Variants in DCUN1D4 observed in about 807,000 individuals in gnomAD.
The protein encoded by DCUN1D4 is defective in cullin neddylation 1 domain containing 4, also known as DCN1-like protein 4.
In DCUN1D4, 22 loss-of-function variants were observed where a neutral mutation model predicts 47.9. The ratio of observed to expected loss-of-function variants is 0.46; its 90% CI spans 0.33 to 0.66. The LOEUF (loss-of-function observed/expected upper bound fraction) is 0.66, where lower values mean the gene tolerates loss of function less well. Among genes scored for constraint, DCUN1D4 ranks in the 30% least tolerant of loss-of-function variants. The pLI, the probability that DCUN1D4 is intolerant of heterozygous loss-of-function variation, is 0.02. For missense variants in DCUN1D4, 301 were observed against 340.8 expected, an observed-to-expected ratio of 0.88 and a Z score of 0.92; for synonymous variants, 121 against 112.2, an observed-to-expected ratio of 1.08 and a Z score of -0.50.
intron 8 of DCUN1D4, chr4:51,910,787 C>A: frequency 2.4e-6 from 1 of 417,846 alleles, no homozygotes; most frequent in South Asian, 4.1e-5. Flanking sequence ...CATGAAAAGC[C>A]TGTAGAAACT....
intron 3 of DCUN1D4, among the ~76,000 whole-genome samples, chr4:51,872,093 C>G (rs114672563): frequency 6.6e-6 from 1 of 152,112 alleles, no homozygotes; most frequent in African/African-American, 2.4e-5. Context: ...GGTTTTGTGC[C>G]GAAGGAGCAG....
intron 8 of DCUN1D4, among the ~76,000 whole-genome samples, chr4:51,909,976 C>T (rs758533391): frequency 5.9e-5 from 9 of 152,164 alleles, no homozygotes; most frequent in African/African-American, 1.9e-4. Flanking sequence ...CACTGTTAAG[C>T]GTCCTTGCAG....
At chr4:51,901,605 C>T (rs1017967884) in intron 8 of DCUN1D4, among the ~76,000 whole-genome samples, 34 of 152,230 alleles carry the variant, frequency 2.2e-4, no homozygotes, top group African/African-American at 8.0e-4. Context: ...GAGCCATGTG[C>T]TTCTGCTTCG....
chr4:51,886,950 A>G (rs1729581465), intron 6 of DCUN1D4: 1 of 427,026 alleles, frequency 2.3e-6, no homozygotes, highest in Non-Finnish European at 4.4e-6. Flanking sequence ...GCCACATTGT[A>G]CGCTGTGTAC....
chr4:51,844,808 C>T (rs1235254551), intron 1 of DCUN1D4: 12 of 984,902 alleles, frequency 1.2e-5, no homozygotes, highest in Non-Finnish European at 1.2e-5. Flanking sequence ...CGCCCGGCCG[C>T]GGTTGGGTTG....
intron 4 of DCUN1D4, chr4:51,875,257 A>G (rs890240232): frequency 1.3e-5 from 2 of 152,256 alleles, no homozygotes; most frequent in African/African-American, 4.8e-5. Flanking sequence ...TTAGAAAATA[A>G]TCACCAGCAA....
At chr4:51,901,615 G>A (rs528022359) in intron 8 of DCUN1D4, among the ~76,000 whole-genome samples, 1 of 152,158 alleles carries the variant, frequency 6.6e-6, no homozygotes, top group East Asian at 1.9e-4. Flanking sequence ...CTTCTGCTTC[G>A]ACACAGCCTC....
intron 1 of DCUN1D4, among the ~76,000 whole-genome samples, chr4:51,845,949 A>G (rs1722480043): frequency 6.6e-6 from 1 of 152,232 alleles, no homozygotes; most frequent in Admixed American, 6.5e-5. Flanking sequence ...GTAATATAAA[A>G]ATATGTACAA....
chr4:51,856,523 A>G (rs1173055252), intron 1 of DCUN1D4, among the ~76,000 whole-genome samples: 2 of 152,136 alleles, frequency 1.3e-5, no homozygotes, highest in Admixed American at 6.5e-5. Context: ...TGGTTAGGAA[A>G]CGTTGCTGCT....
rs373235769 is a variant in DCUN1D4 at position 51,889,282 on chromosome 4, A to G, written c.415-2478A>G. 1.2e-4 allele frequency among the ~76,000 whole-genome samples: 18 copies of G among 152,328 alleles called. No individual in the cohort carries two copies. The South Asian group carries it at 3.1e-3, about 26-fold the overall frequency. The stretch of plus-strand genomic sequence containing the variant: ...GCATTCCCATTTCAGAGACATTAAC[A>G]TTTGTAAAACAAGTGCTGAAATATG... On this transcript the variant is annotated intron_variant, in intron 6 of 10. Transcript: ENST00000334635.
chr4:51,891,618 ACT>A lies in DCUN1D4; in HGVS notation c.415-139_415-138del, dbSNP rs1730437112. On this transcript the variant is annotated intron_variant, in intron 6 of 10. Transcript: ENST00000334635. The stretch of plus-strand genomic sequence containing the variant: ...AAACTAGAACTCATTTTTGAAGTTA[ACT>A]CTGCTCATATTTCAGTGACTAAACT... 3 of 624,414 alleles carry A rather than the reference ACT, an allele frequency of 4.8e-6. No homozygotes were observed. In the Admixed American group the frequency reaches 9.8e-5, roughly 20 times the overall value. The allele number at this position is 624,414 out of a possible 1,614,324, so 38.7% of individuals were successfully genotyped here.
chr4:51,898,645 C>T lies in DCUN1D4; in HGVS notation c.507-625C>T, dbSNP rs1040193216. The stretch of plus-strand genomic sequence containing the variant: ...GGACAGACAGACATGATGAAGGACA[C>T]ACATCTTGTCAGAAGTGTTGGATCT... On this transcript the variant is annotated intron_variant, in intron 7 of 10. Coordinates refer to ENST00000334635, the MANE Select transcript of DCUN1D4 (RefSeq NM_001040402.3). Among the ~76,000 whole-genome samples the T allele has an allele frequency of 4.6e-5, 7 of 152,218 alleles. No homozygotes were observed. In the East Asian group the frequency reaches 1.3e-3, roughly 29 times the overall value.
chr4:51,835,047 A>G, the DCUN1D4 span, among the ~76,000 whole-genome samples: 21 of 152,272 alleles, frequency 1.4e-4, no homozygotes, highest in East Asian at 4.0e-3. Context: ...GACTCCAAAG[A>G]CTATGCTAGG....
At chr4:51,909,825 A>G (rs991632433) in intron 8 of DCUN1D4, among the ~76,000 whole-genome samples, 4 of 152,188 alleles carry the variant, frequency 2.6e-5, no homozygotes, top group African/African-American at 9.7e-5. Flanking sequence ...GGCCAGATCT[A>G]TTGCACATCT....
chr4:51,846,686 C>G (rs1287682826), intron 1 of DCUN1D4, among the ~76,000 whole-genome samples: 1 of 152,104 alleles, frequency 6.6e-6, no homozygotes, highest in African/African-American at 2.4e-5. Flanking sequence ...GATGCCTTTG[C>G]CAATACAATG....
At chr4:51,861,542 G>A (rs2109887044) in intron 1 of DCUN1D4, among the ~76,000 whole-genome samples, 1 of 152,306 alleles carries the variant, frequency 6.6e-6, no homozygotes, top group Non-Finnish European at 1.5e-5. Flanking sequence ...TTAATTAACA[G>A]CAGGGTGGTG....
At chr4:51,881,660 TAA>T (rs534474397) in intron 5 of DCUN1D4, among the ~76,000 whole-genome samples, 66 of 109,948 alleles carry the variant, frequency 6.0e-4, no homozygotes, top group East Asian at 1.5e-3. Context: ...AGATACAAGT[TAA>T]AAAAAAAAAA....
chr4:51,855,485 A>G (rs1723997159), intron 1 of DCUN1D4, among the ~76,000 whole-genome samples: 1 of 152,216 alleles, frequency 6.6e-6, no homozygotes, highest in African/African-American at 2.4e-5. Context: ...GTTAGATGAG[A>G]CATCTCTGAT....
chr4:51,876,111 G>A (rs930414372), intron 4 of DCUN1D4, among the ~76,000 whole-genome samples: 2 of 152,066 alleles, frequency 1.3e-5, no homozygotes, highest in African/African-American at 4.8e-5. Context: ...GGCATATACT[G>A]ATAATCGGGT....
Sources: allele counts gnomAD v4.1 joint callset (sites outside exome capture counted in the v4.1 genomes callset), GRCh38; gene constraint gnomAD v4.1.1; transcripts MANE v1.5; gene names NCBI Gene and HGNC (gene_info 2026-07-23, HGNC 2026-07-21).